PIGQ: variants seen among roughly 807,000 people sequenced by gnomAD.
The protein encoded by PIGQ is phosphatidylinositol glycan anchor biosynthesis class Q, also known as phosphatidylinositol N-acetylglucosaminyltransferase subunit Q.
In PIGQ, 54 loss-of-function variants were observed where a neutral mutation model predicts 60.3. That is an observed-to-expected ratio of 0.90 (90% confidence interval 0.72 to 1.12). The LOEUF is 1.12. PIGQ is among the 50% of genes most tolerant of loss of function. PIGQ has a pLI of 0.00. For missense variants in PIGQ, 799 were observed against 793.5 expected (o/e 1.01, Z -0.08); for synonymous variants, 416 against 363.7 (o/e 1.14, Z -1.64).
At chr16:578,705 A>G in intron 5 of PIGQ, 80 bp from the exon 6 acceptor site, 1 of 1,535,680 alleles carries the variant, frequency 6.5e-7, no homozygotes, top group Non-Finnish European at 8.9e-7. Flanking sequence ...CACGCACCTC[A>G]TGTCCTGTGT....
intron 4 of PIGQ, 135 bp from the exon 5 acceptor site, chr16:578,244 G>A: frequency 1.2e-6 from 1 of 866,104 alleles, no homozygotes; most frequent in Non-Finnish European, 1.7e-6. Context: ...CCCGTGTGCT[G>A]TCCACGCTAG....
At chr16:579,440 C>T (rs1027898691) in intron 7 of PIGQ, 5 of 367,810 alleles carry the variant, frequency 1.4e-5, no homozygotes, top group East Asian at 7.9e-5. Flanking sequence ...AGAGGTGCCC[C>T]GGGCCCAGAG....
In PIGQ at chr16:576,613, G is replaced by A. The variant is rs893620487; in HGVS notation, c.942+359G>A. On this transcript the variant is annotated intron_variant, in intron 4 of 10. Transcript: ENST00000321878. ...CTCTCTGGGGCCCTCTGCAGAGCCA[G>A]GGTCATGAAACCTTTCCTGTCCAGG... 5.0e-5 allele frequency: 24 copies of A among 480,684 alleles called. No individual in the cohort carries two copies. The Admixed American group carries it at 8.2e-4, about 16-fold the overall frequency. The allele number at this position is 480,684 out of a possible 1,614,324, so 29.8% of individuals were successfully genotyped here.
Position 574,311 on chromosome 16 carries a change from C to T in PIGQ, c.237C>T (p.Arg79=). ...CRQEPEESLG[R]FLESLGAVFP... is the part of the protein sequence containing the mutation. ...AGGAGCCCGAGGAGAGCCTGGGCCG[C>T]TTCCTGGAGAGCCTGGGTGCTGTCT... The change falls in exon 2 of 11, where the codon CGC becomes CGT. Residue 79 remains arginine, a synonymous_variant. Transcript: ENST00000321878. 6.2e-7 allele frequency: 1 copy of T among 1,606,880 alleles called. No homozygotes were observed. The highest frequency in any genetic ancestry group is 8.5e-7 in the Non-Finnish European group (1 of 1,179,198).
In PIGQ at chr16:580,254, G is replaced by A. The variant is rs894941731; in HGVS notation, c.1407G>A (p.Val469=). Residue 469 remains valine (V), a synonymous_variant, in exon 8 of 11, where the codon GTG becomes GTA. Transcript: ENST00000321878. ...LLPTTALYYL[V]FTLLRLLVVA... Reference sequence around the variant, plus strand: ...CTACCACAGCCCTGTACTACCTGGTGTTCACCCTGGTGAGCTGAGCACCCA... The same window carrying A: ...CTACCACAGCCCTGTACTACCTGGTATTCACCCTGGTGAGCTGAGCACCCA... 2.5e-6 allele frequency: 4 copies of A among 1,609,566 alleles called. No individual in the cohort carries two copies. The African/African-American group carries it at 4.0e-5, about 16-fold the overall frequency.
At chr16:580,675 C>T (rs1205438350) in intron 8 of PIGQ, 183 bp from the exon 9 acceptor site, 6 of 625,190 alleles carry the variant, frequency 9.6e-6, no homozygotes. Context: ...GGTGCTCCGC[C>T]TCCAGCTTTG....
Position 584,061 on chromosome 16 carries a change from C to T in PIGQ, c.*1026C>T, listed in dbSNP as rs527755645. On this transcript the variant is annotated 3_prime_UTR_variant, in exon 11 of 11. Coordinates refer to ENST00000321878, the MANE Select transcript of PIGQ (RefSeq NM_004204.5). ...CTGGGACTCCCTGGCAACCCAGCAC[C>T]GGGGAAGCCGTCAGCTGCTGTGACA... 2.9e-3 allele frequency: 844 copies of T among 290,438 alleles called. 1 individual carries two copies. Among genetic ancestry groups the T allele is most frequent in the Non-Finnish European group, 3.4e-3 (496 of 146,626 alleles). 18.0% of individuals were successfully genotyped at this position (290,438 alleles called of 1,614,324 possible). A position where few individuals can be genotyped will look rare whatever the true frequency, so the allele number is the denominator to read the frequency against.
intron 4 of PIGQ, 92 bp from the exon 5 acceptor site, chr16:578,287 C>A: frequency 7.3e-7 from 1 of 1,378,560 alleles, no homozygotes; most frequent in Non-Finnish European, 9.8e-7. Flanking sequence ...GGAAGGCTGG[C>A]CAAGGTGGGA....
chr16:574,817 C>T, intron 2 of PIGQ, 54 bp downstream of exon 2: 1 of 1,346,260 alleles, frequency 7.4e-7, no homozygotes, highest in Non-Finnish European at 9.9e-7. Flanking sequence ...TGAGTGCTGG[C>T]CCATCCCTTT....
rs772221093 is a variant in PIGQ at position 574,055 on chromosome 16, T to G, written c.-9-11T>G. 1 of 1,572,146 alleles carries G rather than the reference T, an allele frequency of 6.4e-7. No homozygotes were observed. Among genetic ancestry groups the G allele is most frequent in the East Asian group, 2.3e-5 (1 of 44,410 alleles). ...GCAGCTCTGAGCCGAGCCTCTCCTC[T>G]TCTCTTCCAGCCTCCCGGCATGGTG... is the stretch of plus-strand genomic sequence containing the variant. On this transcript the variant is annotated splice_polypyrimidine_tract_variant and intron_variant, in intron 1 of 10. Transcript: ENST00000321878.
At chr16:571,249 C>G (rs1366845188) in intron 1 of PIGQ, among the ~76,000 whole-genome samples, 12 of 97,188 alleles carry the variant, frequency 1.2e-4, no homozygotes, top group South Asian at 3.7e-4. Flanking sequence ...GTGTGTGTGT[C>G]TGGCTAGCCT....
At position 575,846 on chromosome 16, in the gene PIGQ, A is replaced by AC; in HGVS notation, c.697_698insC (p.Lys233ThrfsTer82). 1 of 1,565,102 alleles carries AC rather than the reference A, an allele frequency of 6.4e-7. No homozygotes were observed. The highest frequency in any genetic ancestry group is 8.7e-7 in the Non-Finnish European group (1 of 1,154,248). On this transcript the variant is annotated frameshift_variant, in exon 3 of 11. Coordinates refer to ENST00000321878, the MANE Select transcript of PIGQ (RefSeq NM_004204.5). LOFTEE classifies it high-confidence loss of function. ...CTCTCCACTCCCACGCAGAGTGTTC[A>AC]AGCTCTGGCCCCTGTCCTTCCTCGG...
chr16:582,452 C>A, intron 10 of PIGQ, 143 bp downstream of exon 10: 1 of 633,240 alleles, frequency 1.6e-6, no homozygotes, highest in African/African-American at 1.8e-5. Context: ...AGGGGGAAGG[C>A]CCACGCGGGA....
In PIGQ at chr16:575,192, G is replaced by C. The variant is rs190993904; in HGVS notation, c.689+429G>C. ...ACTGCAGCGCTCATGGGCTGTGGGG[G>C]TGTCATCCACTTGCTGGCCCCGTGT... is the stretch of plus-strand genomic sequence containing the variant. On this transcript the variant is annotated intron_variant, in intron 2 of 10. Transcript: ENST00000321878. Among the ~76,000 whole-genome samples the C allele has an allele frequency of 2.0e-5, 3 of 152,304 alleles. No individual in the cohort carries two copies. The Middle Eastern group carries it at 0.01, about 522-fold the overall frequency.
In PIGQ at chr16:583,763, C is replaced by T. The variant is rs757481906; in HGVS notation, c.*728C>T. The T allele has an allele frequency of 1.7e-5, 19 of 1,086,366 alleles. No homozygotes were observed. Among genetic ancestry groups the T allele is most frequent in the Admixed American group, 7.3e-5 (4 of 54,994 alleles). 67.3% of individuals were successfully genotyped at this position (1,086,366 alleles called of 1,614,324 possible). A position where few individuals can be genotyped will look rare whatever the true frequency, so the allele number is the denominator to read the frequency against. The stretch of plus-strand genomic sequence containing the variant: ...CGGTGCCCCGTAGCAGCAGGTCCTG[C>T]GGCCAAATCTGTCTCCCTTCATGGG... On this transcript the variant is annotated 3_prime_UTR_variant, in exon 11 of 11. Coordinates refer to ENST00000321878, the MANE Select transcript of PIGQ (RefSeq NM_004204.5).
Position 576,460 on chromosome 16 carries a change from C to G in PIGQ, c.942+206C>G, listed in dbSNP as rs762290015. 6.3e-6 allele frequency: 4 copies of G among 636,536 alleles called. No individual in the cohort carries two copies. In the Admixed American group the frequency reaches 9.1e-5, roughly 14 times the overall value. The allele number at this position is 636,536 out of a possible 1,614,324, so 39.4% of individuals were successfully genotyped here. ...AGGGCAGGCCTCGCAGGTACACCCCCCTTTCCTTCTGAAGGGGCTGTGTGC... is the reference window on the plus strand; with the variant it reads ...AGGGCAGGCCTCGCAGGTACACCCCGCTTTCCTTCTGAAGGGGCTGTGTGC... On this transcript the variant is annotated intron_variant, in intron 4 of 10. Transcript: ENST00000321878.
rs1216184272 is a variant in PIGQ, at chr16:574,073, G to T, written c.-2G>T. 6.3e-7 allele frequency: 1 copy of T among 1,592,914 alleles called. No individual in the cohort carries two copies. Among genetic ancestry groups the T allele is most frequent in the East Asian group, 2.2e-5 (1 of 44,584 alleles). ...TCTCCTCTTCTCTTCCAGCCTCCCG[G>T]CATGGTGCTCAAGGCCTTCTTCCCC... On this transcript the variant is annotated 5_prime_UTR_variant, in exon 2 of 11. Coordinates refer to ENST00000321878, the MANE Select transcript of PIGQ (RefSeq NM_004204.5).
rs763231683 is a variant in PIGQ, at chr16:579,064, T to A, written c.1224-5T>A. ...GGCCGGGCCCGACAGCACTGCGTCCTGTAGGCTGTACTGCCTGAAGATCCA... is the reference window on the plus strand; with the variant it reads ...GGCCGGGCCCGACAGCACTGCGTCCAGTAGGCTGTACTGCCTGAAGATCCA... On this transcript the variant is annotated splice_region_variant and splice_polypyrimidine_tract_variant and intron_variant, in intron 6 of 10. Coordinates refer to ENST00000321878, the MANE Select transcript of PIGQ (RefSeq NM_004204.5). 5.0e-6 allele frequency: 8 copies of A among 1,611,444 alleles called. No individual in the cohort carries two copies. The highest frequency in any genetic ancestry group is 6.8e-6 in the Non-Finnish European group (8 of 1,179,060).
chr16:582,277 G>C lies in PIGQ; in HGVS notation c.1561G>C (p.Glu521Gln). The change falls in exon 10 of 11, where the codon GAG (glutamate) becomes CAG (glutamine). Residue 521 changes from glutamate to glutamine, a missense_variant. Physicochemically the swap from Glu to Gln is conservative, Grantham distance 29. Coordinates refer to ENST00000321878, the MANE Select transcript of PIGQ (RefSeq NM_004204.5). The stretch of plus-strand genomic sequence containing the variant: ...CGTGAAGTTCCGTGTCCTCCGGCAC[G>C]AGGCCGGCAGGCCCCTCCGCCTCCT... ...AGVKFRVLRH[E>Q]AGRPLRLLMQ... 1 of 1,606,048 alleles carries C rather than the reference G, an allele frequency of 6.2e-7. No homozygotes were observed. The highest frequency in any genetic ancestry group is 8.5e-7 in the Non-Finnish European group (1 of 1,175,948).
Sources: allele counts gnomAD v4.1 joint callset (sites outside exome capture counted in the v4.1 genomes callset), GRCh38; gene constraint gnomAD v4.1.1; transcripts MANE v1.5; gene names NCBI Gene and HGNC (gene_info 2026-07-23, HGNC 2026-07-21).